Variants in ATAD2B observed in about 807,000 individuals in gnomAD.
The protein encoded by ATAD2B is ATPase family AAA domain-containing protein 2B.
ATAD2B carries 40 observed loss-of-function variants against 167.6 expected under a neutral mutation model. The ratio of observed to expected loss-of-function variants is 0.24; its 90% CI spans 0.19 to 0.31. The LOEUF (loss-of-function observed/expected upper bound fraction) is 0.31, where lower values mean the gene tolerates loss of function less well. ATAD2B is among the 10% of genes least tolerant of loss of function. The probability of loss-of-function intolerance (pLI) is 1.00; values close to 1 mark genes in which losing one functional copy is unlikely to be tolerated. For missense variants in ATAD2B, 1,242 were observed against 1,757.2 expected (o/e 0.71, Z 5.24); for synonymous variants, 579 against 596.5 (o/e 0.97, Z 0.43).
chr2:23,735,697 C>G, the ATAD2B span, among the ~76,000 whole-genome samples: 1 of 152,114 alleles, frequency 6.6e-6, no homozygotes, highest in African/African-American at 2.4e-5. Flanking sequence ...AACTTCAGTA[C>G]GAAAATCAGG....
At chr2:23,795,878 CAA>C (rs1216976553) in intron 19 of ATAD2B, among the ~76,000 whole-genome samples, 4 of 119,956 alleles carry the variant, frequency 3.3e-5, no homozygotes, top group Non-Finnish European at 1.8e-5. Flanking sequence ...GACTCCATCT[CAA>C]AAAAAAAAAA....
chr2:23,814,917 G>A (rs545287020), intron 17 of ATAD2B, among the ~76,000 whole-genome samples: 3 of 151,894 alleles, frequency 2.0e-5, no homozygotes, highest in Non-Finnish European at 4.4e-5. Flanking sequence ...TTAGCCAGGC[G>A]TGGTGGCAGG....
the ATAD2B span, among the ~76,000 whole-genome samples, chr2:23,740,908 AACAG>A: frequency 1.3e-5 from 2 of 152,210 alleles, no homozygotes; most frequent in African/African-American, 2.4e-5. Context: ...ATACACCAAT[AACAG>A]ACAAACAGAG....
rs554604136 is a variant in ATAD2B, at chr2:23,817,525, T to C, written c.2267+2222A>G. On this transcript the variant is annotated intron_variant, in intron 17 of 27. Transcript: ENST00000238789. ...CTTCCCAGACTTCCAGCAGAATTAGTTCTGCTTTCACAGCACTTTCGCCAT... is the reference window on the plus strand; with the variant it reads ...CTTCCCAGACTTCCAGCAGAATTAGCTCTGCTTTCACAGCACTTTCGCCAT... 9.2e-5 allele frequency among the ~76,000 whole-genome samples: 14 copies of C among 152,318 alleles called. No individual in the cohort carries two copies. The South Asian group carries it at 2.7e-3, about 29-fold the overall frequency.
intron 13 of ATAD2B, among the ~76,000 whole-genome samples, chr2:23,854,075 C>T (rs1692979459): frequency 4.7e-5 from 7 of 149,736 alleles, no homozygotes; most frequent in Admixed American, 2.0e-4. Context: ...GTGAAACATA[C>T]CTCTACTAAT....
At chr2:23,790,262 C>T (rs543038071) in intron 19 of ATAD2B, among the ~76,000 whole-genome samples, 1 of 152,186 alleles carries the variant, frequency 6.6e-6, no homozygotes, top group Admixed American at 6.5e-5. Flanking sequence ...CATTATGATA[C>T]TATGCTGGGA....
chr2:23,912,945 G>T (rs1292363491), intron 1 of ATAD2B, among the ~76,000 whole-genome samples: 1 of 152,154 alleles, frequency 6.6e-6, no homozygotes, highest in Non-Finnish European at 1.5e-5. Context: ...GCAGTGAGCC[G>T]AGATGGAGCC....
At chr2:23,702,785 G>C in the ATAD2B span, among the ~76,000 whole-genome samples, 1 of 152,212 alleles carries the variant, frequency 6.6e-6, no homozygotes, top group Non-Finnish European at 1.5e-5. Context: ...GGGCAGGAAT[G>C]GTGCTTCATC....
At chr2:23,818,986 C>A in intron 17 of ATAD2B, among the ~76,000 whole-genome samples, 1 of 152,110 alleles carries the variant, frequency 6.6e-6, no homozygotes, top group East Asian at 1.9e-4. Context: ...AATTACTGAA[C>A]AATTTCTAAA....
intron 22 of ATAD2B, among the ~76,000 whole-genome samples, chr2:23,776,110 G>T (rs144152314): frequency 1.3e-5 from 2 of 152,068 alleles, no homozygotes; most frequent in Non-Finnish European, 2.9e-5. Context: ...GCAAGACTCC[G>T]TCTCAAAAAT....
At chr2:23,769,267 C>A (rs1677924407) in intron 22 of ATAD2B, among the ~76,000 whole-genome samples, 1 of 152,018 alleles carries the variant, frequency 6.6e-6, no homozygotes, top group Non-Finnish European at 1.5e-5. Flanking sequence ...GGTGAAACCC[C>A]ATCTCTAATA....
At chr2:23,720,659 CG>C in the ATAD2B span, among the ~76,000 whole-genome samples, 3 of 151,978 alleles carry the variant, frequency 2.0e-5, no homozygotes, top group Admixed American at 6.6e-5. Flanking sequence ...AAATCAGATC[CG>C]CCTGGAGTCA....
chr2:23,779,427 G>A (rs996151807), intron 22 of ATAD2B, among the ~76,000 whole-genome samples: 16 of 151,906 alleles, frequency 1.1e-4, no homozygotes, highest in Admixed American at 2.0e-4. Flanking sequence ...CACCCACCTC[G>A]GCCTCCCAAA....
chr2:23,805,075 G>A (rs560735737), intron 18 of ATAD2B, among the ~76,000 whole-genome samples: 3 of 151,580 alleles, frequency 2.0e-5, no homozygotes, highest in African/African-American at 4.8e-5. Context: ...CCCGGGAGGC[G>A]GAGGTTGCAA....
chr2:23,843,504 G>A (rs1691266227), intron 13 of ATAD2B, among the ~76,000 whole-genome samples: 1 of 152,214 alleles, frequency 6.6e-6, no homozygotes, highest in African/African-American at 2.4e-5. Flanking sequence ...CCAATTACGG[G>A]CTGTGATACA....
intron 4 of ATAD2B, among the ~76,000 whole-genome samples, chr2:23,886,832 G>A (rs898172251): frequency 1.3e-5 from 2 of 151,630 alleles, no homozygotes; most frequent in African/African-American, 4.8e-5. Context: ...TTGGGAGGCT[G>A]AGGCATGAGA....
intron 1 of ATAD2B, among the ~76,000 whole-genome samples, chr2:23,909,295 AG>A (rs1483895156): frequency 6.6e-6 from 1 of 151,954 alleles, no homozygotes; most frequent in Non-Finnish European, 1.5e-5. Context: ...CTGTAGTCCC[AG>A]CTACTCAGGA....
intron 22 of ATAD2B, among the ~76,000 whole-genome samples, chr2:23,777,415 C>G (rs964954387): frequency 1.4e-5 from 2 of 146,636 alleles, no homozygotes; most frequent in Non-Finnish European, 3.0e-5. Context: ...CAAGAATTGT[C>G]AGAGTCATCT....
intron 19 of ATAD2B, among the ~76,000 whole-genome samples, chr2:23,789,609 G>A (rs182400530): frequency 9.1e-4 from 138 of 152,250 alleles, no homozygotes; most frequent in African/African-American, 3.2e-3. Context: ...CCATGACACT[G>A]TGAAAATATG....
Sources: gnomAD v4.1 joint callset for allele counts (sites outside exome capture counted in the v4.1 genomes callset) on GRCh38, gnomAD v4.1.1 for gene constraint, MANE v1.5 for transcripts, NCBI Gene and HGNC (gene_info 2026-07-23, HGNC 2026-07-21) for gene names.